Variants in EXT2 observed in about 807,000 individuals in gnomAD.
The protein encoded by EXT2 is exostosin-2.
In EXT2, 53 loss-of-function variants were observed where a neutral mutation model predicts 81.6. The observed-to-expected ratio is 0.65, with a 90% confidence interval of 0.52 to 0.82. EXT2 has a LOEUF of 0.82. Among genes scored for constraint, EXT2 ranks in the 40% least tolerant of loss-of-function variants. The pLI, the probability that EXT2 is intolerant of heterozygous loss-of-function variation, is 0.00. For synonymous variants in EXT2, 320 were observed against 340.0 expected, an observed-to-expected ratio of 0.94 and a Z score of 0.65; for missense variants, 774 against 910.2, an observed-to-expected ratio of 0.85 and a Z score of 1.93.
chr11:44,198,118 A>G, intron 9 of EXT2, 100 bp downstream of exon 9: 1 of 1,210,422 alleles, frequency 8.3e-7, no homozygotes. Context: ...GTCAATAGCA[A>G]TACCATTTCT....
Position 44,130,039 on chromosome 11 carries a change from C to G in EXT2, c.1080-6C>G. ...TGTATGTAAACTGTTTTGCTGTTGT[C>G]TCCAGAGCATCTGTGGTTGTACCAG... On this transcript the variant is annotated splice_polypyrimidine_tract_variant and splice_region_variant and intron_variant, in intron 6 of 13. Transcript: ENST00000533608. 3 of 1,612,728 alleles carry G rather than the reference C, an allele frequency of 1.9e-6. No individual in the cohort carries two copies. The highest frequency in any genetic ancestry group is 2.5e-6 in the Non-Finnish European group (3 of 1,178,730).
At chr11:44,238,340 G>A (rs547293999) in intron 13 of EXT2, among the ~76,000 whole-genome samples, 165 of 152,196 alleles carry the variant, frequency 1.1e-3, no homozygotes, top group African/African-American at 3.7e-3. Flanking sequence ...GTGCCACCAC[G>A]CTAACTAGTT....
chr11:44,197,110 G>GTATT (rs1439654217), intron 8 of EXT2, among the ~76,000 whole-genome samples: 1 of 152,120 alleles, frequency 6.6e-6, no homozygotes, highest in Non-Finnish European at 1.5e-5. Context: ...CTCTGTGCCT[G>GTATT]TATTTCCCTG....
intron 10 of EXT2, among the ~76,000 whole-genome samples, chr11:44,224,528 T>C (rs1270734989): frequency 6.6e-6 from 1 of 152,164 alleles, no homozygotes; most frequent in Non-Finnish European, 1.5e-5. Flanking sequence ...TATAAATAAA[T>C]AAGTAATCTG....
chr11:44,140,603 A>C (rs1260758523), intron 7 of EXT2, among the ~76,000 whole-genome samples: 1 of 152,236 alleles, frequency 6.6e-6, no homozygotes, highest in Non-Finnish European at 1.5e-5. Flanking sequence ...TCTCCTGCCC[A>C]GAATGTTTTT....
intron 1 of EXT2, among the ~76,000 whole-genome samples, chr11:44,098,943 G>A (rs1372008071): frequency 1.3e-5 from 2 of 152,028 alleles, no homozygotes; most frequent in Non-Finnish European, 2.9e-5. Flanking sequence ...TATGGAACTG[G>A]GAAGGATACA....
chr11:44,213,659 A>G (rs569697568), intron 10 of EXT2, among the ~76,000 whole-genome samples: 14 of 152,346 alleles, frequency 9.2e-5, no homozygotes, highest in Non-Finnish European at 2.1e-4. Context: ...AAGATAAATC[A>G]ATAGGAATTC....
chr11:44,221,440 G>T lies in EXT2; in HGVS notation c.1663-10913G>T, dbSNP rs563402347. On this transcript the variant is annotated intron_variant, in intron 10 of 13. Transcript: ENST00000533608. ...AAGAATATGTACTTTCCCTCCCCCT[G>T]TTCAAAATGAGATATCTGCAATGAT... 1.2e-4 allele frequency among the ~76,000 whole-genome samples: 18 copies of T among 152,282 alleles called. No individual in the cohort carries two copies. The South Asian group carries it at 3.7e-3, about 32-fold the overall frequency.
intron 8 of EXT2, among the ~76,000 whole-genome samples, chr11:44,177,673 A>G (rs1298456827): frequency 6.6e-6 from 1 of 152,194 alleles, no homozygotes; most frequent in Non-Finnish European, 1.5e-5. Context: ...TTAAAAGATT[A>G]TACTGCATCT....
chr11:44,109,519 C>T (rs1219451703), intron 3 of EXT2, among the ~76,000 whole-genome samples: 1 of 152,188 alleles, frequency 6.6e-6, no homozygotes, highest in Non-Finnish European at 1.5e-5. Context: ...CTGGATTGTG[C>T]ACTTCTGAGT....
intron 3 of EXT2, among the ~76,000 whole-genome samples, chr11:44,113,701 G>C (rs1954178018): frequency 6.6e-6 from 1 of 152,130 alleles, no homozygotes; most frequent in Non-Finnish European, 1.5e-5. Flanking sequence ...AGAGAGGCTG[G>C]GGTGTAAGCG....
At position 44,102,565 on chromosome 11, in the gene EXT2, C is replaced by T. The variant is rs77919948; in HGVS notation, c.-30-5118C>T. ...TTTTTTTTTTTTTTTTGCACGGGGT[C>T]GGGGGTATGAGGGGAGTCAAACTAT... On this transcript the variant is annotated intron_variant, in intron 1 of 13. Transcript: ENST00000533608. Among the ~76,000 whole-genome samples the T allele has an allele frequency of 4.6e-3, 502 of 109,500 alleles. 3 individuals carry two copies. The highest frequency in any genetic ancestry group is 0.017 in the African/African-American group (480 of 28,192). 71.8% of individuals were successfully genotyped at this position (109,500 alleles called of 152,430 possible).
At chr11:44,191,070 C>T (rs1194709620) in intron 8 of EXT2, among the ~76,000 whole-genome samples, 1 of 152,264 alleles carries the variant, frequency 6.6e-6, no homozygotes, top group Non-Finnish European at 1.5e-5. Context: ...ACACATCCCT[C>T]TCACTAGTGT....
chr11:44,241,780 T>A (rs981955184), intron 13 of EXT2, among the ~76,000 whole-genome samples: 8 of 152,162 alleles, frequency 5.3e-5, no homozygotes, highest in African/African-American at 1.9e-4. Flanking sequence ...TGACAACAGC[T>A]CATGTGGGCC....
rs185165239 is a variant in EXT2, at chr11:44,143,227, C to T, written c.1173+13089C>T. On this transcript the variant is annotated intron_variant, in intron 7 of 13. Coordinates refer to ENST00000533608, the MANE Select transcript of EXT2 (RefSeq NM_207122.2). The stretch of plus-strand genomic sequence containing the variant: ...TTGGCCTCCCAGAGTGCTGGGATTA[C>T]AGGCATGAGCCATCACACCTGGCCT... Among the ~76,000 whole-genome samples, 152 of 152,376 alleles carry T rather than the reference C, an allele frequency of 1.0e-3. 2 individuals are homozygous for T. Among genetic ancestry groups the T allele is most frequent in the South Asian group, 1.9e-3 (9 of 4,834 alleles).
chr11:44,192,078 A>G (rs1404566239), intron 8 of EXT2, among the ~76,000 whole-genome samples: 1 of 152,236 alleles, frequency 6.6e-6, no homozygotes, highest in Non-Finnish European at 1.5e-5. Context: ...CTAACCTGCC[A>G]TTACCTGAGT....
chr11:44,217,334 C>T (rs1475940398), intron 10 of EXT2, among the ~76,000 whole-genome samples: 2 of 152,054 alleles, frequency 1.3e-5, no homozygotes, highest in African/African-American at 2.4e-5. Flanking sequence ...GACATTTGGA[C>T]CGAATACCGG....
intron 8 of EXT2, among the ~76,000 whole-genome samples, chr11:44,180,423 T>C (rs1220621186): frequency 6.6e-6 from 1 of 152,248 alleles, no homozygotes; most frequent in Non-Finnish European, 1.5e-5. Flanking sequence ...TACAGCTTTC[T>C]ATTTTCCAGA....
intron 10 of EXT2, among the ~76,000 whole-genome samples, chr11:44,225,835 C>T (rs1955832953): frequency 6.6e-6 from 1 of 152,114 alleles, no homozygotes; most frequent in African/African-American, 2.4e-5. Context: ...GACCAAGTCA[C>T]CTCTGCCTTC....
Sources: gnomAD v4.1 joint callset for allele counts (sites outside exome capture counted in the v4.1 genomes callset) on GRCh38, gnomAD v4.1.1 for gene constraint, MANE v1.5 for transcripts, NCBI Gene and HGNC (gene_info 2026-07-23, HGNC 2026-07-21) for gene names.